DNAH5: variants seen among roughly 807,000 people sequenced by gnomAD.
DNAH5 encodes the protein dynein axonemal heavy chain 5.
DNAH5 carries 372 observed loss-of-function variants against 518.2 expected under a neutral mutation model. That is an observed-to-expected ratio of 0.72 (90% CI 0.66 to 0.78). The LOEUF (loss-of-function observed/expected upper bound fraction) is 0.78, where lower values mean the gene tolerates loss of function less well. Ranked by LOEUF, DNAH5 falls within the 30% of genes least tolerant of loss-of-function variation. The pLI is 0.00. For missense variants in DNAH5, 5,523 were observed against 5,687.0 expected (o/e 0.97, Z 0.93); for synonymous variants, 2,039 against 2,025.9 (o/e 1.01, Z -0.17).
upstream of DNAH5, among the ~76,000 whole-genome samples, chr5:13,944,747 A>T (rs1779775252): frequency 6.6e-6 from 1 of 152,206 alleles, no homozygotes; most frequent in African/African-American, 2.4e-5. Flanking sequence ...ATGTTTATCA[A>T]GCAATCAAAG....
rs369902145 is a variant in DNAH5, at chr5:13,876,803, C to T, written c.3277G>A (p.Ala1093Thr). 5 of 1,613,498 alleles carry T rather than the reference C, an allele frequency of 3.1e-6. No individual in the cohort carries two copies. Among genetic ancestry groups the T allele is most frequent in the African/African-American group, 1.3e-5 (1 of 74,872 alleles). Residue 1093 changes from alanine (A) to threonine (T), a missense_variant, in exon 22 of 79, where the codon GCA becomes ACA. Coordinates refer to ENST00000265104, the MANE Select transcript of DNAH5 (RefSeq NM_001369.3). Reference sequence around the variant, plus strand: ...ACGGGAATGGGTAAATTTACAGATGCTATCTCCAAGGTATCTAAAAAGAAA... The same window carrying T: ...ACGGGAATGGGTAAATTTACAGATGTTATCTCCAAGGTATCTAAAAAGAAA... ...ENELQDTLEI[A>T]SVNLPIPVQT...
intron 22 of DNAH5, among the ~76,000 whole-genome samples, chr5:13,876,005 T>C (rs1279184808): frequency 6.6e-6 from 1 of 152,172 alleles, no homozygotes; most frequent in Admixed American, 6.5e-5. Flanking sequence ...GGAAACATTA[T>C]TAACAAGTCA....
intron 1 of DNAH5, among the ~76,000 whole-genome samples, chr5:13,959,900 G>A (rs1781047890): frequency 6.6e-6 from 1 of 152,104 alleles, no homozygotes; most frequent in African/African-American, 2.4e-5. Context: ...CCGGGAGGGT[G>A]GAGGTTGCAG....
In DNAH5 at chr5:13,742,613, A is replaced by G. The variant is rs111977585; in HGVS notation, c.11212-5118T>C. 2.2e-3 allele frequency among the ~76,000 whole-genome samples: 335 copies of G among 152,226 alleles called. 2 individuals are homozygous for G. Among genetic ancestry groups the G allele is most frequent in the African/African-American group, 7.7e-3 (319 of 41,574 alleles). ...CGATGTATACAATCAGTGGCAAACC[A>G]TTCAATTCTTGATAAAGCAAAAATA... On this transcript the variant is annotated intron_variant, in intron 65 of 78. Coordinates refer to ENST00000265104, the MANE Select transcript of DNAH5 (RefSeq NM_001369.3).
intron 50 of DNAH5, among the ~76,000 whole-genome samples, chr5:13,790,521 T>G (rs748494699): frequency 6.6e-6 from 1 of 152,158 alleles, no homozygotes; most frequent in Non-Finnish European, 1.5e-5. Context: ...AATCCCCACA[T>G]GTCAAGGGAG....
chr5:13,765,133 A>T (rs778170223), intron 59 of DNAH5, among the ~76,000 whole-genome samples: 1 of 152,150 alleles, frequency 6.6e-6, no homozygotes, highest in Admixed American at 6.5e-5. Flanking sequence ...ATTCAGCAAC[A>T]TCATTTTGGC....
In DNAH5 at chr5:13,710,054, G is replaced by C. The variant is rs7705374; in HGVS notation, c.13126-1719C>G. Reference sequence around the variant, plus strand: ...CACCAAAGCTAAGAACCCTCACGGAGTCCATTGCACCCCACCGCCAACTCC... The same window carrying C: ...CACCAAAGCTAAGAACCCTCACGGACTCCATTGCACCCCACCGCCAACTCC... On this transcript the variant is annotated intron_variant, in intron 75 of 78. Coordinates refer to ENST00000265104, the MANE Select transcript of DNAH5 (RefSeq NM_001369.3). Among the ~76,000 whole-genome samples the C allele has an allele frequency of 2.4e-3, 361 of 151,832 alleles. 7 individuals are homozygous for C. The East Asian group carries it at 0.053, about 22-fold the overall frequency.
rs1367769157 is a variant in DNAH5 at position 13,842,437 on chromosome 5, A to AAGAGAGAGAGAGAGAGAGAG, written c.5272-534_5272-533insCTCTCTCTCTCTCTCTCTCT. ...GAAAAGAAAAGAAAAGAAAGAAAGA[A>AAGAGAGAGAGAGAGAGAGAG]AGAAAGAAAGAAAGAAAGAAAGAAA... On this transcript the variant is annotated intron_variant, in intron 32 of 78. Coordinates refer to ENST00000265104, the MANE Select transcript of DNAH5 (RefSeq NM_001369.3). Among the ~76,000 whole-genome samples, 5 of 91,326 alleles carry AAGAGAGAGAGAGAGAGAGAG rather than the reference A, an allele frequency of 5.5e-5. 1 individual carries two copies. Among genetic ancestry groups the AAGAGAGAGAGAGAGAGAGAG allele is most frequent in the African/African-American group, 2.3e-4 (5 of 22,184 alleles). 59.9% of individuals were successfully genotyped at this position (91,326 alleles called of 152,430 possible). A position where few individuals can be genotyped will look rare whatever the true frequency, so the allele number is the denominator to read the frequency against.
intron 75 of DNAH5, among the ~76,000 whole-genome samples, chr5:13,711,999 A>C (rs1262519466): frequency 6.6e-6 from 1 of 152,200 alleles, no homozygotes; most frequent in East Asian, 1.9e-4. Flanking sequence ...TCTTCAAAGA[A>C]TGAGAAACAA....
intron 16 of DNAH5, among the ~76,000 whole-genome samples, chr5:13,892,036 T>G (rs1339546855): frequency 6.6e-6 from 1 of 152,234 alleles, no homozygotes; most frequent in Non-Finnish European, 1.5e-5. Context: ...ATACCAACGC[T>G]GTATCGGAGA....
At chr5:13,773,951 G>C (rs1753713508) in intron 55 of DNAH5, among the ~76,000 whole-genome samples, 1 of 152,148 alleles carries the variant, frequency 6.6e-6, no homozygotes, top group South Asian at 2.1e-4. Flanking sequence ...AAGGATCCAG[G>C]AAAACAGAGC....
In DNAH5 at chr5:13,810,142, C is replaced by T. The variant is rs1388183350; in HGVS notation, c.7526G>A (p.Arg2509His). The T allele has an allele frequency of 4.5e-6, 7 of 1,548,976 alleles. No homozygotes were observed. Among genetic ancestry groups the T allele is most frequent in the Non-Finnish European group, 1.7e-6 (2 of 1,146,140 alleles). ...DGRRRLELWLRSRPTGTLELP... is the reference protein window; with the variant it reads ...DGRRRLELWLHSRPTGTLELP... ...CTCCAGCGTCCCTGTGGGCCGAGAG[C>T]GCAGCCAGAGCTCCAGGCGGCGCCG... The change falls in exon 45 of 79, where the codon CGC becomes CAC. Residue 2509 changes from arginine to histidine, a missense_variant. Physicochemically the swap from Arg to His is conservative, Grantham distance 29. Around this residue, in one of 3 missense-constraint regions of DNAH5, gnomAD observed 5,121 missense variants for 5,223.3 expected, o/e 0.98. Coordinates refer to ENST00000265104, the MANE Select transcript of DNAH5 (RefSeq NM_001369.3).
intron 19 of DNAH5, among the ~76,000 whole-genome samples, chr5:13,883,448 G>A (rs1401261466): frequency 6.6e-6 from 1 of 151,996 alleles, no homozygotes; most frequent in East Asian, 1.9e-4. Context: ...AAGTAAGCCA[G>A]GAATGAAGAA....
intron 48 of DNAH5, 73 bp downstream of exon 48, chr5:13,793,863 A>C: frequency 6.4e-7 from 1 of 1,563,362 alleles, no homozygotes; most frequent in Non-Finnish European, 8.6e-7. Flanking sequence ...CTTAAAAAAA[A>C]TTTTTAAAAA....
chr5:13,706,546 G>A (rs779742508), intron 76 of DNAH5, among the ~76,000 whole-genome samples: 7 of 152,140 alleles, frequency 4.6e-5, no homozygotes, highest in Admixed American at 1.3e-4. Context: ...ATCTTAGCAA[G>A]TTCACTTACA....
Position 13,867,816 on chromosome 5 carries a change from T to G in DNAH5, c.4011A>C (p.Val1337=), listed in dbSNP as rs770033140. Residue 1337 remains valine, a synonymous_variant, in exon 25 of 79, where the codon GTA becomes GTC. Transcript: ENST00000265104. The part of the protein sequence containing the change: ...FKKELISAVE[V]FLQDCHQFYL... ...AAAACTGGTGACAATCTTGGAGGAA[T>G]ACCTCCACAGCACTAATAAGCTCTT... 8 of 1,613,938 alleles carry G rather than the reference T, an allele frequency of 5.0e-6. No homozygotes were observed. The African/African-American group carries it at 5.3e-5, about 11-fold the overall frequency.
intron 14 of DNAH5, 48 bp downstream of exon 14, chr5:13,901,204 G>T: frequency 1.3e-6 from 2 of 1,573,230 alleles, no homozygotes; most frequent in Non-Finnish European, 1.7e-6. Flanking sequence ...CTAGAAGAGG[G>T]GTTCCCATGA....
At chr5:13,862,332 T>C (rs750748257) in intron 29 of DNAH5, among the ~76,000 whole-genome samples, 31 of 152,186 alleles carry the variant, frequency 2.0e-4, no homozygotes, top group Non-Finnish European at 3.5e-4. Flanking sequence ...ACAAGAATAA[T>C]TGAAATATAA....
chr5:13,939,562 A>G (rs1779267229), intron 1 of DNAH5, among the ~76,000 whole-genome samples: 2 of 151,560 alleles, frequency 1.3e-5, no homozygotes, highest in Admixed American at 1.3e-4. Flanking sequence ...TTTGTCTTCC[A>G]GCTTCTCTGT....
Sources: gnomAD v4.1 joint callset for allele counts (sites outside exome capture counted in the v4.1 genomes callset) on GRCh38, gnomAD v4.1.1 for gene constraint, gnomAD v4.1.1 regional missense constraint, MANE v1.5 for transcripts, NCBI Gene and HGNC (gene_info 2026-07-23, HGNC 2026-07-21) for gene names.